BORCS8: variants seen among roughly 807,000 people sequenced by gnomAD.
The protein encoded by BORCS8 is BLOC-1 related complex subunit 8, also known as BLOC-1-related complex subunit 8.
In BORCS8, 13 loss-of-function variants were observed where a neutral mutation model predicts 18.7. The observed-to-expected ratio is 0.70, with a 90% confidence interval of 0.45 to 1.11. BORCS8 has a LOEUF of 1.11. BORCS8 is among the 50% of genes least tolerant of loss of function. The pLI is 0.00. For synonymous variants in BORCS8, 68 were observed against 64.8 expected, an observed-to-expected ratio of 1.05 and a Z score of -0.24; for missense variants, 165 against 165.7, an observed-to-expected ratio of 1.00 and a Z score of 0.02.
chr19:19,177,685 G>GGAAAAGAA (rs1491566806), intron 5 of BORCS8: 2 of 55,786 alleles, frequency 3.6e-5, no homozygotes, highest in African/African-American at 1.3e-4. Flanking sequence ...AGGAAGGAAG[G>GGAAAAGAA]AAGGAAGGAA....
At chr19:19,191,411 G>C (rs957641362) in intron 1 of BORCS8, among the ~76,000 whole-genome samples, 1 of 150,850 alleles carries the variant, frequency 6.6e-6, no homozygotes, top group Non-Finnish European at 1.5e-5. Context: ...AGGATCGCCC[G>C]CGCCAGAGAG....
In BORCS8 at chr19:19,182,718, G is replaced by T; in HGVS notation, c.216-35C>A. 1 of 1,534,600 alleles carries T rather than the reference G, an allele frequency of 6.5e-7. No homozygotes were observed. On this transcript the variant is annotated intron_variant, in intron 3 of 5. Transcript: ENST00000462790. The surrounding 1 kb of genome is among the most constrained non-coding windows in gnomAD (Gnocchi z 4.1). ...GAGGACAGGCCTGGTCAGCGCTCCG[G>T]ACCTGCAGGTAACTGTCCCACACCC...
intron 3 of BORCS8, among the ~76,000 whole-genome samples, chr19:19,185,572 G>A (rs1312072897): frequency 6.6e-6 from 1 of 152,240 alleles, no homozygotes; most frequent in Non-Finnish European, 1.5e-5. Context: ...TGTAGTCCCA[G>A]CTACTCGGGA....
intron 5 of BORCS8, chr19:19,178,068 T>C (rs562257939): frequency 6.6e-6 from 1 of 152,390 alleles, no homozygotes; most frequent in Admixed American, 6.5e-5. Context: ...TTTGTCCATA[T>C]GTATTTGGGG....
chr19:19,186,221 G>A lies in BORCS8; in HGVS notation c.151-123C>T. The A allele has an allele frequency of 3.4e-6, 3 of 889,492 alleles. No individual in the cohort carries two copies. In the South Asian group the frequency reaches 4.4e-5, roughly 13 times the overall value. The allele number at this position is 889,492 out of a possible 1,614,324, so 55.1% of individuals were successfully genotyped here. ...GGTGGAAGCAGAGACCTTTCCTCCT[G>A]CAACTCCCTTCCCTCACAGGTCTGG... On this transcript the variant is annotated intron_variant, in intron 2 of 5. Transcript: ENST00000462790.
intron 1 of BORCS8, among the ~76,000 whole-genome samples, chr19:19,189,195 C>A (rs550673608): frequency 6.6e-6 from 1 of 152,252 alleles, no homozygotes; most frequent in African/African-American, 2.4e-5. Flanking sequence ...GCATTCCCAG[C>A]CAGCCAGCAG....
At chr19:19,181,887 A>G in intron 4 of BORCS8, 1 of 985,438 alleles carries the variant, frequency 1.0e-6, no homozygotes, top group Non-Finnish European at 1.2e-6. Flanking sequence ...GTGTGTTCAT[A>G]AGCGTGTTTA....
intron 1 of BORCS8, among the ~76,000 whole-genome samples, chr19:19,190,515 G>A (rs1218437740): frequency 6.6e-6 from 1 of 152,238 alleles, no homozygotes; most frequent in Admixed American, 6.5e-5. Flanking sequence ...ACGGCCAGGG[G>A]CGGTGGCCCA....
chr19:19,188,077 T>C (rs1192113074), intron 1 of BORCS8, among the ~76,000 whole-genome samples: 1 of 152,092 alleles, frequency 6.6e-6, no homozygotes, highest in Non-Finnish European at 1.5e-5. Context: ...TCGCCCAGGC[T>C]GGAGTGTAGT....
chr19:19,180,402 G>T (rs191187689), intron 5 of BORCS8: 5 of 499,286 alleles, frequency 1.0e-5, no homozygotes, highest in Admixed American at 3.6e-5. Context: ...CTCTGTCTTG[G>T]GGGGTGGAAA....
intron 4 of BORCS8, among the ~76,000 whole-genome samples, chr19:19,181,240 C>T (rs2060346729): frequency 6.6e-6 from 1 of 151,724 alleles, no homozygotes; most frequent in African/African-American, 2.4e-5. Context: ...TGGGTCACAC[C>T]TGTAATCCCA....
chr19:19,191,299 G>A (rs2060471958), intron 1 of BORCS8, among the ~76,000 whole-genome samples: 1 of 151,812 alleles, frequency 6.6e-6, no homozygotes, highest in Non-Finnish European at 1.5e-5. Flanking sequence ...CTCCAGCCTG[G>A]GTGACAGAGC....
At chr19:19,191,413 GC>G (rs2060474307) in intron 1 of BORCS8, among the ~76,000 whole-genome samples, 1 of 150,540 alleles carries the variant, frequency 6.6e-6, no homozygotes, top group East Asian at 1.9e-4. Flanking sequence ...GATCGCCCGC[GC>G]CAGAGAGATC....
At chr19:19,186,843 T>C in intron 2 of BORCS8, 50 bp downstream of exon 2, 2 of 1,363,864 alleles carry the variant, frequency 1.5e-6, no homozygotes, top group Non-Finnish European at 2.0e-6. Flanking sequence ...TGTCCCAGCC[T>C]TGACTCCTGC....
chr19:19,189,264 C>G (rs2060442605), intron 1 of BORCS8, among the ~76,000 whole-genome samples: 1 of 152,180 alleles, frequency 6.6e-6, no homozygotes, highest in African/African-American at 2.4e-5. Flanking sequence ...CTCACCTGTT[C>G]TATTATACCA....
intron 3 of BORCS8, among the ~76,000 whole-genome samples, chr19:19,184,191 G>A (rs372510016): frequency 1.4e-4 from 21 of 151,802 alleles, no homozygotes; most frequent in African/African-American, 3.4e-4. Flanking sequence ...TCATTTTAAC[G>A]AGTTAAAATT....
At chr19:19,186,166 C>CTCTTGGTTGGAGA in intron 2 of BORCS8, 68 bp from the exon 3 acceptor site, 1 of 1,459,792 alleles carries the variant, frequency 6.9e-7, no homozygotes, top group African/African-American at 1.4e-5. Context: ...CCTCCCAGCT[C>CTCTTGGTTGGAGA]TCTTGGTTGG....
At chr19:19,192,060 C>A (rs1466159920) in intron 1 of BORCS8, 21 bp downstream of exon 1, 7 of 1,551,406 alleles carry the variant, frequency 4.5e-6, no homozygotes, top group Non-Finnish European at 6.1e-6. Flanking sequence ...CCCCTCTGTC[C>A]CGCCCGCAGG....
At chr19:19,191,583 T>G (rs926578064) in intron 1 of BORCS8, among the ~76,000 whole-genome samples, 3 of 149,664 alleles carry the variant, frequency 2.0e-5, no homozygotes, top group African/African-American at 7.3e-5. Flanking sequence ...GTTGTTGAGT[T>G]TTTTTTTTTT....
Sources: allele counts gnomAD v4.1 joint callset (sites outside exome capture counted in the v4.1 genomes callset), GRCh38; gene constraint gnomAD v4.1.1; non-coding constraint Gnocchi (gnomAD v3.1); transcripts MANE v1.5; gene names NCBI Gene and HGNC (gene_info 2026-07-23, HGNC 2026-07-21).